Variants in GRK4 observed in about 807,000 individuals in gnomAD.
GRK4 encodes G protein-coupled receptor kinase 2-like.
In GRK4, 73 loss-of-function variants were observed where a neutral mutation model predicts 77.9. The observed-to-expected ratio is 0.94, with a 90% CI of 0.78 to 1.14. The LOEUF is 1.14. Among genes scored for constraint, GRK4 ranks in the 50% most tolerant of loss-of-function variants. GRK4 has a pLI of 0.00. For missense variants in GRK4, 729 were observed against 700.2 expected, an observed-to-expected ratio of 1.04 and a Z score of -0.46; for synonymous variants, 257 against 254.4, an observed-to-expected ratio of 1.01 and a Z score of -0.10.
At chr4:3,016,853 A>G (rs761676767) in intron 8 of GRK4, among the ~76,000 whole-genome samples, 1 of 152,216 alleles carries the variant, frequency 6.6e-6, no homozygotes, top group Non-Finnish European at 1.5e-5. Context: ...TTTGATTTCT[A>G]TATCGTTGGC....
chr4:2,992,280 C>A lies in GRK4; in HGVS notation c.327C>A (p.Phe109Leu). Residue 109 changes from phenylalanine (F) to leucine (L), a missense_variant, in exon 4 of 16, where the codon TTC becomes TTA. By Grantham distance (22) the Phe-to-Leu change is conservative. Transcript: ENST00000398052. ...GTGGACTGTCAATCTTAGATAGATTCTTCAATGATAAGGTGTGTTTTCTTC... is the reference window on the plus strand; with the variant it reads ...GTGGACTGTCAATCTTAGATAGATTATTCAATGATAAGGTGTGTTTTCTTC... ...SDCGLSILDRFFNDKLAAPLP... is the reference protein window; with the variant it reads ...SDCGLSILDRLFNDKLAAPLP... The A allele has an allele frequency of 6.3e-7, 1 of 1,599,858 alleles. No individual in the cohort carries two copies. The highest frequency in any genetic ancestry group is 1.1e-5 in the South Asian group (1 of 90,824).
rs779116091 is a variant in GRK4, at chr4:2,963,952, AG to A, written c.-118del. 1 of 920,308 alleles carries A rather than the reference AG, an allele frequency of 1.1e-6. No individual in the cohort carries two copies. Among genetic ancestry groups the A allele is most frequent in the South Asian group, 1.4e-5 (1 of 71,462 alleles). 57.0% of individuals were successfully genotyped at this position (920,308 alleles called of 1,614,324 possible). A position where few individuals can be genotyped will look rare whatever the true frequency, so the allele number is the denominator to read the frequency against. ...AGCAGCCTCCCGGGATCGTGTCCGG[AG>A]CTCGAGGAGAGGGTGGTGCCCGGCG... On this transcript the variant is annotated 5_prime_UTR_variant, in exon 1 of 16. Coordinates refer to ENST00000398052, the MANE Select transcript of GRK4 (RefSeq NM_182982.3).
At chr4:3,011,736 A>G (rs1732976076) in intron 7 of GRK4, among the ~76,000 whole-genome samples, 1 of 152,242 alleles carries the variant, frequency 6.6e-6, no homozygotes, top group Admixed American at 6.5e-5. Context: ...TCCAAGTGCT[A>G]GCACTTCCTC....
chr4:3,014,397 A>G (rs1733853407), intron 8 of GRK4, among the ~76,000 whole-genome samples: 1 of 151,090 alleles, frequency 6.6e-6, no homozygotes, highest in African/African-American at 2.4e-5. Flanking sequence ...TCCAGGCCCA[A>G]GTGATCCTCC....
chr4:2,972,706 C>T lies in GRK4; in HGVS notation c.52+8584C>T, dbSNP rs995110843. Among the ~76,000 whole-genome samples, 13 of 152,002 alleles carry T rather than the reference C, an allele frequency of 8.6e-5. No individual in the cohort carries two copies. The East Asian group carries it at 1.7e-3, about 20-fold the overall frequency. On this transcript the variant is annotated intron_variant, in intron 1 of 15. Coordinates refer to ENST00000398052, the MANE Select transcript of GRK4 (RefSeq NM_182982.3). ...TGTGTTTAGAGGTGCACAGTGTGTG[C>T]GCTGCTGTGTGTGTGTGTTATTTAC... is the stretch of plus-strand genomic sequence containing the variant.
intron 8 of GRK4, among the ~76,000 whole-genome samples, chr4:3,014,768 G>A (rs533226406): frequency 5.7e-4 from 87 of 152,216 alleles, no homozygotes; most frequent in African/African-American, 2.1e-3. Context: ...CCGCACTCCA[G>A]CCTGGGCAAC....
chr4:3,014,298 T>C lies in GRK4; in HGVS notation c.741+470T>C, dbSNP rs796151421. Among the ~76,000 whole-genome samples, 146 of 118,154 alleles carry C rather than the reference T, an allele frequency of 1.2e-3. No individual in the cohort carries two copies. In the East Asian group the frequency reaches 0.02, roughly 16 times the overall value. The allele number at this position is 118,154 out of a possible 152,430, so 77.5% of individuals were successfully genotyped here. On this transcript the variant is annotated intron_variant, in intron 8 of 15. Transcript: ENST00000398052. ...GGATACCTTCTCTCTCTCTCTCTCT[T>C]TTTTTTTTTTTTTTTTGACACAGGG...
chr4:3,029,843 T>C (rs372681237), intron 12 of GRK4, among the ~76,000 whole-genome samples: 4 of 152,158 alleles, frequency 2.6e-5, no homozygotes, highest in African/African-American at 7.2e-5. Context: ...CCACTGGGAT[T>C]TCATCAGACA....
intron 11 of GRK4, among the ~76,000 whole-genome samples, chr4:3,028,385 A>G (rs185059323): frequency 1.4e-4 from 21 of 152,236 alleles, no homozygotes; most frequent in East Asian, 1.9e-4. Flanking sequence ...GTGCCAGCCA[A>G]CCCCCAGGGG....
rs1257129300 is a variant in GRK4, at chr4:3,029,273, A to G, written c.1133A>G (p.Glu378Gly). Residue 378 changes from glutamate (E) to glycine (G), a missense_variant, in exon 12 of 16, where the codon GAA becomes GGA. Glu to Gly is a moderately conservative substitution (Grantham distance 98, BLOSUM62 -2). Transcript: ENST00000398052. The stretch of plus-strand genomic sequence containing the variant: ...TGGGGACTTGGCTGTCTGATCTATG[A>G]AATGATTCAGGGACATTCTCCATTC... ...DWWGLGCLIY[E>G]MIQGHSPFKK... 1 of 1,614,064 alleles carries G rather than the reference A, an allele frequency of 6.2e-7. No homozygotes were observed. The highest frequency in any genetic ancestry group is 8.5e-7 in the Non-Finnish European group (1 of 1,179,972).
intron 10 of GRK4, among the ~76,000 whole-genome samples, chr4:3,026,125 A>G (rs1288229432): frequency 1.3e-5 from 2 of 152,180 alleles, no homozygotes; most frequent in Middle Eastern, 3.2e-3. Context: ...CGTTGAATGT[A>G]TCCTTGATAG....
rs78060617 is a variant in GRK4 at position 2,980,217 on chromosome 4, C to T, written c.53-4296C>T. On this transcript the variant is annotated intron_variant, in intron 1 of 15. Coordinates refer to ENST00000398052, the MANE Select transcript of GRK4 (RefSeq NM_182982.3). ...TAAATAATTTGTTAGCCAGGATTCA[C>T]AGTATGGAAGGATGACTGGGGCTGC... Among the ~76,000 whole-genome samples, 1,288 of 152,272 alleles carry T rather than the reference C, an allele frequency of 8.5e-3. 12 individuals carry two copies. The highest frequency in any genetic ancestry group is 0.029 in the African/African-American group (1,193 of 41,548).
At chr4:2,965,393 C>T in intron 1 of GRK4, 1 of 703,076 alleles carries the variant, frequency 1.4e-6, no homozygotes, top group Non-Finnish European at 2.6e-6. Context: ...CCTCAAGTCC[C>T]TGTGCTAGCC....
chr4:3,007,299 ATCTC>A (rs1731607492), intron 5 of GRK4, among the ~76,000 whole-genome samples: 1 of 152,240 alleles, frequency 6.6e-6, no homozygotes, highest in East Asian at 1.9e-4. Flanking sequence ...CATGATTATT[ATCTC>A]TGTTTTACAG....
chr4:3,038,356 C>G lies in GRK4; in HGVS notation c.1546-20C>G. The G allele has an allele frequency of 2.5e-6, 4 of 1,613,838 alleles. No homozygotes were observed. The highest frequency in any genetic ancestry group is 3.4e-6 in the Non-Finnish European group (4 of 1,179,876). Reference sequence around the variant, plus strand: ...GCAGTTTCTCTGCGGCTTCTCTGTCCTGTTATTCTGTGCATGCAGATGATC... The same window carrying G: ...GCAGTTTCTCTGCGGCTTCTCTGTCGTGTTATTCTGTGCATGCAGATGATC... On this transcript the variant is annotated intron_variant, in intron 14 of 15. Transcript: ENST00000398052.
Position 3,028,775 on chromosome 4 carries a change from C to CTT in GRK4, c.1061-413_1061-412dup, listed in dbSNP as rs35200515. ...CCATCACCACCATCTAATTTCACAA[C>CTT]TTTTTTTTTTTTTTGAGACAGAGTC... is the stretch of plus-strand genomic sequence containing the variant. On this transcript the variant is annotated intron_variant, in intron 11 of 15. Transcript: ENST00000398052. Among the ~76,000 whole-genome samples, 505 of 147,410 alleles carry CTT rather than the reference C, an allele frequency of 3.4e-3. 2 individuals carry two copies. The highest frequency in any genetic ancestry group is 9.9e-3 in the African/African-American group (399 of 40,170).
At chr4:2,986,894 C>A in intron 2 of GRK4, 1 of 310,644 alleles carries the variant, frequency 3.2e-6, no homozygotes, top group Non-Finnish European at 6.5e-6. Flanking sequence ...CTAGTATTTC[C>A]CTCATTGTTG....
At chr4:2,966,692 G>A (rs1717815317) in intron 1 of GRK4, 1 of 152,204 alleles carries the variant, frequency 6.6e-6, no homozygotes, top group African/African-American at 2.4e-5. Flanking sequence ...ACCAGGAGGT[G>A]TCTTCTTGGA....
At chr4:2,992,005 T>C (rs559959085) in intron 3 of GRK4, among the ~76,000 whole-genome samples, 13 of 152,188 alleles carry the variant, frequency 8.5e-5, no homozygotes, top group African/African-American at 3.1e-4. Flanking sequence ...ACCAAATAAT[T>C]TGAAACATAA....
Sources: gnomAD v4.1 joint callset for allele counts (sites outside exome capture counted in the v4.1 genomes callset) on GRCh38, gnomAD v4.1.1 for gene constraint, MANE v1.5 for transcripts, NCBI Gene and HGNC (gene_info 2026-07-23, HGNC 2026-07-21) for gene names.